Variants in SPAG16 observed in about 807,000 individuals in gnomAD.
SPAG16 encodes sperm associated antigen 16.
SPAG16 carries 86 observed loss-of-function variants against 80.4 expected under a neutral mutation model. The ratio of observed to expected loss-of-function variants is 1.07; its 90% confidence interval spans 0.90 to 1.28. The LOEUF (loss-of-function observed/expected upper bound fraction) is 1.28, where lower values mean the gene tolerates loss of function less well. Among genes scored for constraint, SPAG16 ranks in the 50% most tolerant of loss-of-function variants. The pLI, the probability that SPAG16 is intolerant of heterozygous loss-of-function variation, is 0.00. For synonymous variants in SPAG16, 294 were observed against 265.9 expected (o/e 1.11, Z -1.03); for missense variants, 870 against 765.3 (o/e 1.14, Z -1.61).
At chr2:213,583,951 C>G (rs1008820034) in intron 10 of SPAG16, among the ~76,000 whole-genome samples, 1 of 152,084 alleles carries the variant, frequency 6.6e-6, no homozygotes. Flanking sequence ...TTTCACCTAC[C>G]ATTTGGCTCA....
intron 11 of SPAG16, among the ~76,000 whole-genome samples, chr2:213,918,806 A>T (rs1454598303): frequency 6.6e-6 from 1 of 152,090 alleles, no homozygotes; most frequent in Non-Finnish European, 1.5e-5. Flanking sequence ...TCAGTTTTGT[A>T]ACTCATTTTT....
intron 15 of SPAG16, among the ~76,000 whole-genome samples, chr2:214,288,737 A>G (rs1447883490): frequency 8.6e-6 from 1 of 115,712 alleles, no homozygotes; most frequent in African/African-American, 3.0e-5. Context: ...AGAAATGTCT[A>G]TTGTCCTTTG....
chr2:214,363,641 G>A (rs1197844455), intron 15 of SPAG16, among the ~76,000 whole-genome samples: 2 of 151,930 alleles, frequency 1.3e-5, no homozygotes, highest in African/African-American at 4.8e-5. Flanking sequence ...TCAATTCAGA[G>A]TACACAAGCA....
intron 10 of SPAG16, among the ~76,000 whole-genome samples, chr2:213,527,774 AC>A (rs1176713488): frequency 6.6e-6 from 1 of 152,232 alleles, no homozygotes; most frequent in Admixed American, 6.5e-5. Flanking sequence ...ATCAGGAGAT[AC>A]ATGAAATATA....
At chr2:213,748,859 C>G (rs1441401822) in intron 10 of SPAG16, among the ~76,000 whole-genome samples, 2 of 152,068 alleles carry the variant, frequency 1.3e-5, no homozygotes. Context: ...TGTTAAAAAG[C>G]CTCTCAGGGT....
chr2:213,539,301 A>G (rs1304098083), intron 10 of SPAG16, among the ~76,000 whole-genome samples: 1 of 152,162 alleles, frequency 6.6e-6, no homozygotes, highest in African/African-American at 2.4e-5. Context: ...CCCCTCATGG[A>G]CACCTGCTAA....
intron 10 of SPAG16, among the ~76,000 whole-genome samples, chr2:213,850,998 C>T (rs1054712005): frequency 2.6e-5 from 4 of 151,900 alleles, no homozygotes; most frequent in African/African-American, 4.8e-5. Flanking sequence ...TTAATTTAAT[C>T]ACAGTTAGCT....
intron 10 of SPAG16, among the ~76,000 whole-genome samples, chr2:213,613,312 C>T (rs1271374914): frequency 6.6e-6 from 1 of 152,162 alleles, no homozygotes; most frequent in Non-Finnish European, 1.5e-5. Flanking sequence ...CTTTATTTAA[C>T]TTAAAATAAA....
intron 10 of SPAG16, among the ~76,000 whole-genome samples, chr2:213,758,385 C>T (rs1435813091): frequency 6.6e-6 from 1 of 151,872 alleles, no homozygotes; most frequent in Non-Finnish European, 1.5e-5. Flanking sequence ...GATGGTGGAT[C>T]TGCTACAGAG....
intron 15 of SPAG16, among the ~76,000 whole-genome samples, chr2:214,174,683 C>T (rs1411360664): frequency 1.3e-5 from 2 of 151,728 alleles, no homozygotes; most frequent in African/African-American, 4.8e-5. Flanking sequence ...GAGAAGGATT[C>T]TGTGCCATAC....
At chr2:213,294,592 T>C (rs2062425768) in intron 1 of SPAG16, among the ~76,000 whole-genome samples, 1 of 152,208 alleles carries the variant, frequency 6.6e-6, no homozygotes, top group Non-Finnish European at 1.5e-5. Context: ...GAGGCACTTA[T>C]TCATGTTTTA....
chr2:214,004,406 A>C (rs2046934623), intron 12 of SPAG16, among the ~76,000 whole-genome samples: 1 of 152,234 alleles, frequency 6.6e-6, no homozygotes, highest in East Asian at 1.9e-4. Flanking sequence ...ACGGGGAGGC[A>C]AGCTGTTCCT....
At chr2:213,532,652 G>A (rs1230417823) in intron 10 of SPAG16, among the ~76,000 whole-genome samples, 1 of 151,514 alleles carries the variant, frequency 6.6e-6, no homozygotes, top group African/African-American at 2.4e-5. Context: ...TAGTAGAGAT[G>A]TGGTTTCACT....
intron 9 of SPAG16, among the ~76,000 whole-genome samples, chr2:213,409,757 G>A (rs1290975036): frequency 6.6e-6 from 1 of 152,064 alleles, no homozygotes; most frequent in Non-Finnish European, 1.5e-5. Flanking sequence ...ATGGTATTTG[G>A]CTTTCTTTGG....
At chr2:214,102,690 G>A (rs1576205394) in intron 13 of SPAG16, among the ~76,000 whole-genome samples, 1 of 152,056 alleles carries the variant, frequency 6.6e-6, no homozygotes, top group African/African-American at 2.4e-5. Context: ...CTGATTTACC[G>A]ACGGCAAATC....
chr2:213,572,487 G>T (rs1464433350), intron 10 of SPAG16, among the ~76,000 whole-genome samples: 5 of 150,188 alleles, frequency 3.3e-5, no homozygotes, highest in African/African-American at 1.2e-4. Flanking sequence ...GTCTGTTGGA[G>T]TACCCTGCCG....
At chr2:214,333,887 C>A (rs147377380) in intron 15 of SPAG16, among the ~76,000 whole-genome samples, 1 of 152,154 alleles carries the variant, frequency 6.6e-6, no homozygotes, top group East Asian at 1.9e-4. Context: ...CCATGTACTG[C>A]GGCAGTGGCA....
At chr2:214,357,919 AT>A (rs1302510515) in intron 15 of SPAG16, among the ~76,000 whole-genome samples, 1 of 152,028 alleles carries the variant, frequency 6.6e-6, no homozygotes, top group East Asian at 1.9e-4. Flanking sequence ...AGGTCACATA[AT>A]TCATGTGAAT....
chr2:214,108,609 A>G (rs1371783051), intron 14 of SPAG16, among the ~76,000 whole-genome samples: 1 of 152,148 alleles, frequency 6.6e-6, no homozygotes, highest in African/African-American at 2.4e-5. Flanking sequence ...TATAGACTGC[A>G]TAAAATTTTA....
Sources: gnomAD v4.1 joint callset for allele counts (sites outside exome capture counted in the v4.1 genomes callset) on GRCh38, gnomAD v4.1.1 for gene constraint, MANE v1.5 for transcripts, NCBI Gene and HGNC (gene_info 2026-07-23, HGNC 2026-07-21) for gene names.